Variants in MITF observed in about 807,000 individuals in gnomAD.
MITF encodes the protein microphthalmia-associated transcription factor.
Under a neutral mutation model 60.5 loss-of-function variants are expected in MITF, and 17 were observed. That is an observed-to-expected ratio of 0.28 (90% CI 0.19 to 0.42). The LOEUF (loss-of-function observed/expected upper bound fraction) is 0.42. MITF is among the 10% of genes least tolerant of loss of function. The pLI, the probability that MITF is intolerant of heterozygous loss-of-function variation, is 1.00. For synonymous variants in MITF, 260 were observed against 248.5 expected (o/e 1.05, Z -0.43); for missense variants, 622 against 683.5 (o/e 0.91, Z 1.00).
chr3:69,844,052 G>A (rs1370564277), intron 1 of MITF, among the ~76,000 whole-genome samples: 3 of 152,112 alleles, frequency 2.0e-5, no homozygotes, highest in Non-Finnish European at 2.9e-5. Flanking sequence ...CTTCATCCAT[G>A]TCCCTGCAAA....
intron 1 of MITF, among the ~76,000 whole-genome samples, chr3:69,788,768 GAA>G (rs1475801451): frequency 6.6e-6 from 1 of 152,172 alleles, no homozygotes; most frequent in African/African-American, 2.4e-5. Flanking sequence ...CAATGTAATA[GAA>G]TAGAGAGCTC....
intron 1 of MITF, among the ~76,000 whole-genome samples, chr3:69,780,860 G>T (rs2062551744): frequency 1.3e-5 from 2 of 152,170 alleles, no homozygotes; most frequent in African/African-American, 4.8e-5. Flanking sequence ...AGTTGCTCCA[G>T]ACCAGATTCA....
At chr3:69,946,525 T>C (rs2066100737) in intron 5 of MITF, among the ~76,000 whole-genome samples, 1 of 152,178 alleles carries the variant, frequency 6.6e-6, no homozygotes, top group Non-Finnish European at 1.5e-5. Flanking sequence ...TTGGCTTTTC[T>C]TTCTGTAAAA....
chr3:69,899,171 G>T (rs1259787910), intron 2 of MITF, among the ~76,000 whole-genome samples: 1 of 152,192 alleles, frequency 6.6e-6, no homozygotes, highest in Non-Finnish European at 1.5e-5. Context: ...TGAGCTTTGT[G>T]AAAGCTGTGG....
At chr3:69,783,138 C>T (rs1174958397) in intron 1 of MITF, among the ~76,000 whole-genome samples, 2 of 152,062 alleles carry the variant, frequency 1.3e-5, no homozygotes, top group Admixed American at 1.3e-4. Context: ...AGTGATATTC[C>T]AGTTCATTTA....
intron 2 of MITF, among the ~76,000 whole-genome samples, chr3:69,898,533 G>A (rs1480143429): frequency 6.6e-6 from 1 of 152,202 alleles, no homozygotes; most frequent in Admixed American, 6.5e-5. Context: ...AGAGAGGGCT[G>A]TGAGAGAAGA....
At chr3:69,955,527 A>T (rs2107528111) in intron 7 of MITF, among the ~76,000 whole-genome samples, 1 of 152,192 alleles carries the variant, frequency 6.6e-6, no homozygotes, top group African/African-American at 2.4e-5. Flanking sequence ...TAAATGGTTA[A>T]AAAAGGCCGG....
chr3:69,926,029 T>C (rs1395634929), intron 2 of MITF, among the ~76,000 whole-genome samples: 1 of 152,186 alleles, frequency 6.6e-6, no homozygotes, highest in Non-Finnish European at 1.5e-5. Flanking sequence ...CTTCAGCACC[T>C]AGATGAGTGC....
At chr3:69,868,754 C>A (rs2064164742) in intron 1 of MITF, among the ~76,000 whole-genome samples, 1 of 151,946 alleles carries the variant, frequency 6.6e-6, no homozygotes, top group Non-Finnish European at 1.5e-5. Flanking sequence ...CAAAAATTAG[C>A]CAGGCATGGT....
chr3:69,786,516 C>G (rs2106896820), intron 1 of MITF, among the ~76,000 whole-genome samples: 2 of 151,918 alleles, frequency 1.3e-5, no homozygotes, highest in South Asian at 4.2e-4. Context: ...GATTAAATAC[C>G]CTTAGCTTAC....
At chr3:69,859,621 T>A (rs2063977546) in intron 1 of MITF, among the ~76,000 whole-genome samples, 1 of 152,036 alleles carries the variant, frequency 6.6e-6, no homozygotes, top group Admixed American at 6.6e-5. Flanking sequence ...CATGTTGCTT[T>A]AAAATATTAT....
chr3:69,957,175 C>T (rs1393196684), intron 8 of MITF, among the ~76,000 whole-genome samples: 1 of 152,226 alleles, frequency 6.6e-6, no homozygotes, highest in East Asian at 1.9e-4. Flanking sequence ...TCTTTCCTAC[C>T]AGCCTATAGT....
In MITF at chr3:69,872,844, T is replaced by C. The variant is rs183790247; in HGVS notation, c.105-6290T>C. On this transcript the variant is annotated intron_variant, in intron 1 of 9. Coordinates refer to ENST00000352241, the MANE Select transcript of MITF (RefSeq NM_001354604.2). ...TGTGTGTGATTGGTGGTTCTTAATTTTTAGAATGCTTTTCTCCCTATGTAC... is the reference window on the plus strand; with the variant it reads ...TGTGTGTGATTGGTGGTTCTTAATTCTTAGAATGCTTTTCTCCCTATGTAC... Among the ~76,000 whole-genome samples the C allele has an allele frequency of 2.6e-4, 40 of 152,286 alleles. No individual in the cohort carries two copies. In the East Asian group the frequency reaches 7.3e-3, roughly 28 times the overall value.
chr3:69,889,473 C>G (rs2064708014), intron 2 of MITF, among the ~76,000 whole-genome samples: 1 of 147,944 alleles, frequency 6.8e-6, no homozygotes, highest in African/African-American at 2.5e-5. Flanking sequence ...TTCTAGTACT[C>G]TCACTAAAAA....
intron 8 of MITF, among the ~76,000 whole-genome samples, chr3:69,956,986 C>G (rs2066415485): frequency 1.3e-5 from 2 of 152,190 alleles, no homozygotes; most frequent in South Asian, 4.1e-4. Flanking sequence ...CAAAAAGGGT[C>G]AATTATTTTT....
At chr3:69,863,378 G>C (rs114171694) in intron 1 of MITF, among the ~76,000 whole-genome samples, 42 of 152,310 alleles carry the variant, frequency 2.8e-4, no homozygotes, top group African/African-American at 9.9e-4. Flanking sequence ...CCTTAGAACT[G>C]TACTGTAAGG....
At chr3:69,953,617 A>G (rs866583978) in intron 7 of MITF, among the ~76,000 whole-genome samples, 18 of 131,106 alleles carry the variant, frequency 1.4e-4, no homozygotes, top group Admixed American at 1.3e-3. Flanking sequence ...ATATGTATAT[A>G]TATATATGTG....
intron 1 of MITF, among the ~76,000 whole-genome samples, chr3:69,759,449 C>A (rs542334499): frequency 6.6e-6 from 1 of 152,132 alleles, no homozygotes; most frequent in Non-Finnish European, 1.5e-5. Context: ...CAGACCAATA[C>A]CTTATTTAAC....
chr3:69,790,556 T>C (rs1480527934), intron 1 of MITF, among the ~76,000 whole-genome samples: 6 of 152,242 alleles, frequency 3.9e-5, no homozygotes, highest in Non-Finnish European at 8.8e-5. Flanking sequence ...TTTTACTACT[T>C]CATTGAGTAT....
Sources: allele counts gnomAD v4.1 joint callset (sites outside exome capture counted in the v4.1 genomes callset), GRCh38; gene constraint gnomAD v4.1.1; transcripts MANE v1.5; gene names NCBI Gene and HGNC (gene_info 2026-07-23, HGNC 2026-07-21).